PPHLN1: variants seen among roughly 807,000 people sequenced by gnomAD.
PPHLN1 encodes the protein periphilin 1.
Under a neutral mutation model 51.3 loss-of-function variants are expected in PPHLN1, and 29 were observed. That is an observed-to-expected ratio of 0.57 (90% confidence interval 0.42 to 0.77). The LOEUF (loss-of-function observed/expected upper bound fraction) is 0.77. Among genes scored for constraint, PPHLN1 ranks in the 30% least tolerant of loss-of-function variants. The probability of loss-of-function intolerance (pLI) is 0.00; values close to 1 mark genes in which losing one functional copy is unlikely to be tolerated. For synonymous variants in PPHLN1, 147 were observed against 147.8 expected (o/e 0.99, Z 0.04); for missense variants, 436 against 438.4 (o/e 0.99, Z 0.05).
chr12:42,349,619 A>G (rs888877693), intron 2 of PPHLN1, among the ~76,000 whole-genome samples: 5 of 152,162 alleles, frequency 3.3e-5, no homozygotes, highest in South Asian at 2.1e-4. Context: ...CTTAACGAGC[A>G]TGCTGCCTTC....
chr12:42,402,449 A>G (rs73272046), intron 9 of PPHLN1, among the ~76,000 whole-genome samples: 12 of 152,106 alleles, frequency 7.9e-5, no homozygotes, highest in African/African-American at 2.9e-4. Context: ...AAATCTACTT[A>G]ATATATTTTT....
intron 9 of PPHLN1, among the ~76,000 whole-genome samples, chr12:42,404,267 G>C (rs140096034): frequency 6.6e-6 from 1 of 152,036 alleles, no homozygotes; most frequent in East Asian, 1.9e-4. Context: ...AGTGGCTCAC[G>C]CCTGTAATCC....
At chr12:42,433,451 T>G in intron 9 of PPHLN1, 5 of 271,172 alleles carry the variant, frequency 1.8e-5, no homozygotes, top group Non-Finnish European at 2.8e-5. Context: ...GTCTCCCGGG[T>G]AGCTGGGACT....
intron 4 of PPHLN1, among the ~76,000 whole-genome samples, chr12:42,370,086 C>A (rs77323011): frequency 7.1e-4 from 108 of 152,350 alleles, no homozygotes; most frequent in East Asian, 6.7e-3. Flanking sequence ...TTTCTGACTT[C>A]TGAACGGTTC....
At chr12:42,375,316 T>G (rs28541716) in intron 5 of PPHLN1, 1 of 105,364 alleles carries the variant, frequency 9.5e-6, no homozygotes, top group South Asian at 2.1e-4. Context: ...ATGTAAAAGG[T>G]TTTTTTTTTT....
chr12:42,417,789 G>A (rs538351374), intron 9 of PPHLN1, among the ~76,000 whole-genome samples: 41 of 151,554 alleles, frequency 2.7e-4, no homozygotes, highest in African/African-American at 9.4e-4. Flanking sequence ...GACCAGTTCT[G>A]AGTAACTAGA....
At chr12:42,362,469 T>C (rs767426631) in intron 4 of PPHLN1, among the ~76,000 whole-genome samples, 54 of 152,346 alleles carry the variant, frequency 3.5e-4, no homozygotes, top group Non-Finnish European at 6.3e-4. Context: ...TCTGTGTTGT[T>C]TTGACATGTC....
intron 9 of PPHLN1, among the ~76,000 whole-genome samples, chr12:42,425,826 G>T (rs1467449444): frequency 6.6e-6 from 1 of 152,186 alleles, no homozygotes; most frequent in African/African-American, 2.4e-5. Context: ...TAGGTCCTGT[G>T]TGTGTATACA....
chr12:42,441,827 T>C lies in PPHLN1; in HGVS notation c.*318T>C, dbSNP rs532877185. The C allele has an allele frequency of 2.1e-5, 22 of 1,050,068 alleles. No individual in the cohort carries two copies. The highest frequency in any genetic ancestry group is 3.3e-5 in the African/African-American group (2 of 59,856). The allele number at this position is 1,050,068 out of a possible 1,614,324, so 65.0% of individuals were successfully genotyped here. On this transcript the variant is annotated 3_prime_UTR_variant, in exon 10 of 10. Transcript: ENST00000358314. ...GAGCCACCGCTCCCTGCCCAACACA[T>C]ATACCATCTGAAAATGTTAGAATTC... is the stretch of plus-strand genomic sequence containing the variant.
At chr12:42,364,296 T>G (rs2075027915) in intron 4 of PPHLN1, among the ~76,000 whole-genome samples, 1 of 151,968 alleles carries the variant, frequency 6.6e-6, no homozygotes, top group Non-Finnish European at 1.5e-5. Context: ...TTGAAAAATA[T>G]GGAACAAGAG....
chr12:42,441,549 TA>T lies in PPHLN1; in HGVS notation c.*45del, dbSNP rs2082967077. 6.7e-7 allele frequency: 1 copy of T among 1,484,746 alleles called. No homozygotes were observed. The highest frequency in any genetic ancestry group is 1.4e-5 in the African/African-American group (1 of 70,460). The allele number at this position is 1,484,746 out of a possible 1,614,324, so 92.0% of individuals were successfully genotyped here. On this transcript the variant is annotated 3_prime_UTR_variant, in exon 10 of 10. Coordinates refer to ENST00000358314, the MANE Select transcript of PPHLN1 (RefSeq NM_201439.2). ...GCTAAAAAAAAAAAAAAACAGTTTC[TA>T]AAAATTTTTTTTCCTGGATTGTGTA...
intron 9 of PPHLN1, among the ~76,000 whole-genome samples, chr12:42,407,036 A>G (rs1259221529): frequency 6.6e-6 from 1 of 152,002 alleles, no homozygotes; most frequent in Non-Finnish European, 1.5e-5. Flanking sequence ...CTGTTTCTGG[A>G]CTCCATTCCA....
In PPHLN1 at chr12:42,387,489, C is replaced by G; in HGVS notation, c.602C>G (p.Ser201Ter). The change falls in exon 7 of 10, where the codon TCA becomes TGA. Residue 201 changes from serine to a stop codon, truncating the protein, a stop_gained. Coordinates refer to ENST00000358314, the MANE Select transcript of PPHLN1 (RefSeq NM_201439.2). LOFTEE classifies it high-confidence loss of function. The part of the protein sequence containing the change: ...KERPVQSLKT[S>*]RDTSPSSGSA... ...AGGCCTGTCCAGTCTTTGAAAACAT[C>G]AAGAGATACTTCACCCTCAAGTGGT... The G allele has an allele frequency of 6.2e-7, 1 of 1,613,444 alleles. No individual in the cohort carries two copies. The highest frequency in any genetic ancestry group is 8.5e-7 in the Non-Finnish European group (1 of 1,179,802).
intron 4 of PPHLN1, among the ~76,000 whole-genome samples, chr12:42,355,972 C>T (rs2074009087): frequency 6.7e-6 from 1 of 149,908 alleles, no homozygotes; most frequent in Admixed American, 6.7e-5. Flanking sequence ...TTGGGAAACA[C>T]ATTTTGCAAG....
chr12:42,399,258 A>C, intron 9 of PPHLN1: 1 of 992,776 alleles, frequency 1.0e-6, no homozygotes, highest in Non-Finnish European at 1.2e-6. Context: ...GCAATTAAAA[A>C]TTATTAAAGT....
At chr12:42,356,766 T>G (rs1358248384) in intron 4 of PPHLN1, among the ~76,000 whole-genome samples, 1 of 152,200 alleles carries the variant, frequency 6.6e-6, no homozygotes, top group Non-Finnish European at 1.5e-5. Context: ...ATGGTAAAAT[T>G]AGAAACATTT....
In PPHLN1 at chr12:42,398,937, T is replaced by G; in HGVS notation, c.852T>G (p.Asp284Glu). 9 of 1,614,094 alleles carry G rather than the reference T, an allele frequency of 5.6e-6. No individual in the cohort carries two copies. Among genetic ancestry groups the G allele is most frequent in the Non-Finnish European group, 7.6e-6 (9 of 1,179,944 alleles). ...NTTHGIELFE[D>E]SQLTTRSKAI... is the part of the protein sequence containing the mutation. The stretch of plus-strand genomic sequence containing the variant: ...CACATGGGATAGAATTATTTGAAGA[T>G]AGTCAGCTAACCACTCGCTCTAAAG... Residue 284 changes from aspartate (D) to glutamate (E), a missense_variant, in exon 9 of 10, where the codon GAT becomes GAG. Coordinates refer to ENST00000358314, the MANE Select transcript of PPHLN1 (RefSeq NM_201439.2).
At chr12:42,414,640 C>CT (rs1205376919) in intron 9 of PPHLN1, among the ~76,000 whole-genome samples, 2 of 152,166 alleles carry the variant, frequency 1.3e-5, no homozygotes, top group Non-Finnish European at 2.9e-5. Context: ...TAACCTGAGA[C>CT]TTTACTGAAT....
chr12:42,425,246 A>ATTTTTTTTTTTTTTTTT (rs34484756), intron 9 of PPHLN1, among the ~76,000 whole-genome samples: 19 of 124,790 alleles, frequency 1.5e-4, no homozygotes, highest in South Asian at 5.3e-4. Flanking sequence ...TGCCTGGCTA[A>ATTTTTTTTTTTTTTTTT]TTTTTTTTTT....
Sources: gnomAD v4.1 joint callset for allele counts (sites outside exome capture counted in the v4.1 genomes callset) on GRCh38, gnomAD v4.1.1 for gene constraint, MANE v1.5 for transcripts, NCBI Gene and HGNC (gene_info 2026-07-23, HGNC 2026-07-21) for gene names.